Variants in LRRC34 observed in about 807,000 individuals in gnomAD.
LRRC34 encodes the protein leucine rich repeat containing 34, also known as leucine-rich repeat-containing protein 34.
A neutral mutation model predicts 48.5 loss-of-function variants in LRRC34; 44 were observed. The ratio of observed to expected loss-of-function variants is 0.91; its 90% CI spans 0.71 to 1.17. The LOEUF (loss-of-function observed/expected upper bound fraction) is 1.17. Among genes scored for constraint, LRRC34 ranks in the 50% most tolerant of loss-of-function variants. LRRC34 has a pLI of 0.00. For missense variants in LRRC34, 502 were observed against 563.0 expected (o/e 0.89, Z 1.10); for synonymous variants, 192 against 197.6 (o/e 0.97, Z 0.24).
In LRRC34 at chr3:169,795,527, A is replaced by G. The variant is rs892231238; in HGVS notation, c.1149T>C (p.His383=). The G allele has an allele frequency of 6.2e-7, 1 of 1,612,700 alleles. No homozygotes were observed. Among genetic ancestry groups the G allele is most frequent in the Non-Finnish European group, 8.5e-7 (1 of 1,179,124 alleles). The change falls in exon 10 of 11, where the codon CAT becomes CAC. Residue 383 remains histidine (H), a synonymous_variant. Coordinates refer to ENST00000446859, the MANE Select transcript of LRRC34 (RefSeq NM_001172779.2). Reference sequence around the variant, plus strand: ...CAAATTTGTTTCCCCAAATGTAGATATGAGAGAAAGTGAGATTTGTTTTCA... The same window carrying G: ...CAAATTTGTTTCCCCAAATGTAGATGTGAGAGAAAGTGAGATTTGTTTTCA... The part of the protein sequence containing the change: ...QSMKTNLTFS[H]IYIWGNKFDE...
At position 169,812,849 on chromosome 3, in the gene LRRC34, G is replaced by C. The variant is rs1002148818; in HGVS notation, c.-301C>G. The C allele has an allele frequency of 1.3e-5, 5 of 375,316 alleles. No individual in the cohort carries two copies. Among genetic ancestry groups the C allele is most frequent in the Non-Finnish European group, 2.4e-5 (5 of 209,032 alleles). The allele number at this position is 375,316 out of a possible 1,614,324, so 23.2% of individuals were successfully genotyped here. A position where few individuals can be genotyped will look rare whatever the true frequency, so the allele number is the denominator to read the frequency against. On this transcript the variant is annotated 5_prime_UTR_variant, in exon 1 of 11. Coordinates refer to ENST00000446859, the MANE Select transcript of LRRC34 (RefSeq NM_001172779.2). This position sits in a 1 kb window ranked among gnomAD's most constrained non-coding sequence, Gnocchi z 4.3. ...GACAAAGCCCGCTCCTACAAAGTGT[G>C]CACCGGCCTGCCGGGCCAGCGAAGA...
At position 169,812,287 on chromosome 3, in the gene LRRC34, C is replaced by G; in HGVS notation, c.139+123G>C. 7.9e-7 allele frequency: 1 copy of G among 1,272,578 alleles called. No individual in the cohort carries two copies. Among genetic ancestry groups the G allele is most frequent in the Non-Finnish European group, 1.0e-6 (1 of 969,262 alleles). The allele number at this position is 1,272,578 out of a possible 1,614,324, so 78.8% of individuals were successfully genotyped here. On this transcript the variant is annotated intron_variant, in intron 1 of 10. Transcript: ENST00000446859. The surrounding 1 kb of genome is among the most constrained non-coding windows in gnomAD (Gnocchi z 4.3). ...TGGCCACAGCTGGGGTTCCCAGGGG[C>G]CCCCCTCCCGCCTCGACGCCTTGGG...
At chr3:169,798,288 G>A (rs80350245) in intron 7 of LRRC34, among the ~76,000 whole-genome samples, 3,539 of 152,254 alleles carry the variant, frequency 0.023, 91 homozygotes, top group African/African-American at 0.062. Context: ...ATAGTAAAGG[G>A]TTTTAGCCCC....
intron 6 of LRRC34, 166 bp downstream of exon 6, chr3:169,803,887 C>T: frequency 4.3e-6 from 2 of 467,848 alleles, no homozygotes; most frequent in Non-Finnish European, 7.2e-6. Context: ...ATGTTATTTA[C>T]TATAGTCTGA....
At chr3:169,800,123 T>C (rs1779139809) in intron 7 of LRRC34, among the ~76,000 whole-genome samples, 2 of 152,366 alleles carry the variant, frequency 1.3e-5, no homozygotes, top group Non-Finnish European at 1.5e-5. Flanking sequence ...GTTCTTATTC[T>C]CTAGCTGTTT....
chr3:169,806,219 G>A (rs1779367110), intron 5 of LRRC34, among the ~76,000 whole-genome samples: 1 of 152,130 alleles, frequency 6.6e-6, no homozygotes, highest in Non-Finnish European at 1.5e-5. Context: ...TAGGACACGT[G>A]GATATACACA....
intron 2 of LRRC34, 61 bp downstream of exon 2, chr3:169,808,567 T>C (rs1779460564): frequency 1.1e-6 from 1 of 927,228 alleles, no homozygotes; most frequent in Non-Finnish European, 1.7e-6. Flanking sequence ...TATGTTAGGA[T>C]TTTCACACAC....
intron 1 of LRRC34, among the ~76,000 whole-genome samples, chr3:169,809,939 C>G (rs1779503895): frequency 6.6e-6 from 1 of 150,680 alleles, no homozygotes; most frequent in South Asian, 2.1e-4. Flanking sequence ...TATACTTATT[C>G]CAGACAATTT....
In LRRC34 at chr3:169,802,502, C is replaced by T. The variant is rs1779229420; in HGVS notation, c.657+1551G>A. ...ACTCAGTCATTTTTGTAGCACTTTC[C>T]TCTACTTCTTCATTGGTGTTTCCCC... is the stretch of plus-strand genomic sequence containing the variant. On this transcript the variant is annotated intron_variant, in intron 6 of 10. Coordinates refer to ENST00000446859, the MANE Select transcript of LRRC34 (RefSeq NM_001172779.2). Among the ~76,000 whole-genome samples, 5 of 152,282 alleles carry T rather than the reference C, an allele frequency of 3.3e-5. 1 individual carries two copies. In the South Asian group the frequency reaches 1.0e-3, roughly 32 times the overall value.
intron 1 of LRRC34, among the ~76,000 whole-genome samples, chr3:169,810,836 G>A (rs1162937323): frequency 6.6e-6 from 1 of 152,184 alleles, no homozygotes; most frequent in African/African-American, 2.4e-5. Flanking sequence ...AGGCCGAGGC[G>A]AGCGGATCAC....
At chr3:169,803,921 A>T in intron 6 of LRRC34, 132 bp downstream of exon 6, 1 of 734,130 alleles carries the variant, frequency 1.4e-6, no homozygotes, top group Non-Finnish European at 2.1e-6. Context: ...CTGCACTATT[A>T]TGTCTAGGGG....
chr3:169,812,145 A>C lies in LRRC34; in HGVS notation c.139+265T>G. 6.7e-6 allele frequency among the ~76,000 whole-genome samples: 1 copy of C among 149,850 alleles called. No homozygotes were observed. Among genetic ancestry groups the C allele is most frequent in the African/African-American group, 2.5e-5 (1 of 40,418 alleles). On this transcript the variant is annotated intron_variant, in intron 1 of 10. Coordinates refer to ENST00000446859, the MANE Select transcript of LRRC34 (RefSeq NM_001172779.2). The surrounding 1 kb of genome is among the most constrained non-coding windows in gnomAD (Gnocchi z 4.3). ...GCGACAGACACCATCTGCACAACCTATCGCGCAAAGGGCGGACCCACGGGA... is the reference window on the plus strand; with the variant it reads ...GCGACAGACACCATCTGCACAACCTCTCGCGCAAAGGGCGGACCCACGGGA...
intron 7 of LRRC34, 49 bp downstream of exon 7, chr3:169,800,610 T>C: frequency 8.7e-7 from 1 of 1,153,654 alleles, no homozygotes; most frequent in South Asian, 1.4e-5. Flanking sequence ...AGTAGTACCT[T>C]AGTTTTATTC....
intron 2 of LRRC34, 60 bp from the exon 3 acceptor site, chr3:169,807,769 G>GAAGTAA: frequency 7.1e-7 from 1 of 1,405,902 alleles, no homozygotes; most frequent in Admixed American, 3.0e-5. Flanking sequence ...ACCCAGTAAA[G>GAAGTAA]AAGTAAAAGT....
intron 7 of LRRC34, among the ~76,000 whole-genome samples, chr3:169,800,041 A>G (rs1156613502): frequency 6.6e-6 from 1 of 152,242 alleles, no homozygotes; most frequent in Non-Finnish European, 1.5e-5. Context: ...ATTGAACTTT[A>G]TAAAGTGCTT....
chr3:169,809,191 C>G (rs1430145058), intron 1 of LRRC34, among the ~76,000 whole-genome samples: 1 of 140,536 alleles, frequency 7.1e-6, no homozygotes, highest in Non-Finnish European at 1.5e-5. Context: ...TACAGGGACT[C>G]AAGGTTTCTT....
At position 169,796,795 on chromosome 3, in the gene LRRC34, T is replaced by A; in HGVS notation, c.858A>T (p.Leu286Phe). 3 of 1,611,564 alleles carry A rather than the reference T, an allele frequency of 1.9e-6. No individual in the cohort carries two copies. In the South Asian group the frequency reaches 3.3e-5, roughly 18 times the overall value. ...TACTGTTCAGATACAGTGCATCACATAACTGTTGTATACCACTGTTTTTTA... is the reference window on the plus strand; with the variant it reads ...TACTGTTCAGATACAGTGCATCACAAAACTGTTGTATACCACTGTTTTTTA... ...HDIKNSGIQQ[L>F]CDALYLNSSL... The change falls in exon 8 of 11, where the codon TTA becomes TTT. Residue 286 changes from leucine to phenylalanine, a missense_variant. Coordinates refer to ENST00000446859, the MANE Select transcript of LRRC34 (RefSeq NM_001172779.2).
rs553811095 is a variant in LRRC34, at chr3:169,793,248, C to G, written c.*387G>C. Among the ~76,000 whole-genome samples, 1 of 152,146 alleles carries G rather than the reference C, an allele frequency of 6.6e-6. No individual in the cohort carries two copies. Among genetic ancestry groups the G allele is most frequent in the Non-Finnish European group, 1.5e-5 (1 of 68,024 alleles). ...TTTTTCAACTTCTGAACTTTGAAAC[C>G]CTTTGAAAGTCACTGGTAATTTTCT... is the stretch of plus-strand genomic sequence containing the variant. On this transcript the variant is annotated 3_prime_UTR_variant, in exon 11 of 11. Coordinates refer to ENST00000446859, the MANE Select transcript of LRRC34 (RefSeq NM_001172779.2).
intron 9 of LRRC34, chr3:169,795,964 T>G (rs888724128): frequency 1.7e-6 from 2 of 1,198,740 alleles, no homozygotes; most frequent in African/African-American, 3.2e-5. Context: ...CTATTAGAAT[T>G]CAGGATAAGT....
Sources: gnomAD v4.1 joint callset for allele counts (sites outside exome capture counted in the v4.1 genomes callset) on GRCh38, gnomAD v4.1.1 for gene constraint, Gnocchi (gnomAD v3.1) non-coding constraint, MANE v1.5 for transcripts, NCBI Gene and HGNC (gene_info 2026-07-23, HGNC 2026-07-21) for gene names.